PXDNL: variants seen among roughly 807,000 people sequenced by gnomAD.
PXDNL encodes the protein peroxidasin like, also known as probable oxidoreductase PXDNL.
Under a neutral mutation model 150.8 loss-of-function variants are expected in PXDNL, and 145 were observed. That is an observed-to-expected ratio of 0.96 (90% CI 0.84 to 1.10). The LOEUF is 1.10. Among genes scored for constraint, PXDNL ranks in the 50% least tolerant of loss-of-function variants. The probability of loss-of-function intolerance (pLI) is 0.00; values close to 1 mark genes in which losing one functional copy is unlikely to be tolerated. For synonymous variants in PXDNL, 757 were observed against 725.7 expected (o/e 1.04, Z -0.69); for missense variants, 2,087 against 1,873.9 (o/e 1.11, Z -2.10).
intron 13 of PXDNL, among the ~76,000 whole-genome samples, chr8:51,424,805 A>C (rs1307547249): frequency 6.6e-6 from 1 of 152,228 alleles, no homozygotes; most frequent in African/African-American, 2.4e-5. Flanking sequence ...AATAGGCCAG[A>C]GTGTAACCAT....
intron 1 of PXDNL, among the ~76,000 whole-genome samples, chr8:51,669,205 C>T (rs184079986): frequency 2.4e-3 from 361 of 152,074 alleles, no homozygotes; most frequent in African/African-American, 8.2e-3. Context: ...TTTTTAAATG[C>T]GGAAACTTAA....
chr8:51,322,457 A>G (rs920473730), intron 21 of PXDNL, among the ~76,000 whole-genome samples: 1 of 152,176 alleles, frequency 6.6e-6, no homozygotes, highest in African/African-American at 2.4e-5. Flanking sequence ...AGGTGGGATG[A>G]GTGGGCAGCA....
At position 51,404,240 on chromosome 8, in the gene PXDNL, G is replaced by A. The variant is rs180892952; in HGVS notation, c.3557+3827C>T. Among the ~76,000 whole-genome samples the A allele has an allele frequency of 3.0e-3, 454 of 152,344 alleles. 3 individuals are homozygous for A. Among genetic ancestry groups the A allele is most frequent in the African/African-American group, 0.01 (423 of 41,572 alleles). The stretch of plus-strand genomic sequence containing the variant: ...AGCTTCCACACTGTCGAAAGAGACC[G>A]GAGTGGATTGCCACTGTTGGCTCAG... On this transcript the variant is annotated intron_variant, in intron 17 of 22. Coordinates refer to ENST00000356297, the MANE Select transcript of PXDNL (RefSeq NM_144651.5).
chr8:51,491,571 G>C (rs1260073002), intron 5 of PXDNL, among the ~76,000 whole-genome samples: 1 of 152,154 alleles, frequency 6.6e-6, no homozygotes, highest in African/African-American at 2.4e-5. Flanking sequence ...AAGCTAAGAA[G>C]TCCCTTCTAT....
At chr8:51,443,128 A>G (rs7004521) in intron 12 of PXDNL, among the ~76,000 whole-genome samples, 1 of 151,912 alleles carries the variant, frequency 6.6e-6, no homozygotes, top group African/African-American at 2.4e-5. Context: ...TTCTGTTTAG[A>G]TTTCTCTCTC....
intron 4 of PXDNL, among the ~76,000 whole-genome samples, chr8:51,553,133 T>C (rs1812527881): frequency 2.0e-5 from 3 of 152,248 alleles, no homozygotes; most frequent in Admixed American, 2.0e-4. Context: ...GTGTCCTGCC[T>C]CCTGGACAAG....
At chr8:51,765,621 A>G (rs1438966089) in intron 1 of PXDNL, among the ~76,000 whole-genome samples, 1 of 152,122 alleles carries the variant, frequency 6.6e-6, no homozygotes, top group Non-Finnish European at 1.5e-5. Context: ...TAAATGTTTA[A>G]TCCATTTGTA....
At chr8:51,755,095 A>G (rs1490505715) in intron 1 of PXDNL, among the ~76,000 whole-genome samples, 2 of 152,180 alleles carry the variant, frequency 1.3e-5, no homozygotes, top group African/African-American at 4.8e-5. Context: ...AAGTTCCACC[A>G]TTCAGGCTGG....
rs1226352985 is a variant in PXDNL, at chr8:51,809,371, A to G, written c.-27T>C. 2 of 1,513,610 alleles carry G rather than the reference A, an allele frequency of 1.3e-6. No individual in the cohort carries two copies. The highest frequency in any genetic ancestry group is 1.8e-6 in the Non-Finnish European group (2 of 1,130,546). 93.8% of individuals were successfully genotyped at this position (1,513,610 alleles called of 1,614,324 possible). On this transcript the variant is annotated 5_prime_UTR_variant, in exon 1 of 23. Transcript: ENST00000356297. Reference sequence around the variant, plus strand: ...GCTCCATTCGCTGCTGGCCACGCGAAGAAGCAGCCGGAGGGAGAGCAGCAG... The same window carrying G: ...GCTCCATTCGCTGCTGGCCACGCGAGGAAGCAGCCGGAGGGAGAGCAGCAG...
At chr8:51,515,150 A>G (rs1329226336) in intron 4 of PXDNL, among the ~76,000 whole-genome samples, 1 of 152,122 alleles carries the variant, frequency 6.6e-6, no homozygotes, top group African/African-American at 2.4e-5. Flanking sequence ...ATGCCTGCTG[A>G]GGAGGGAAGG....
At chr8:51,385,870 C>A (rs949134241) in intron 17 of PXDNL, among the ~76,000 whole-genome samples, 2 of 152,164 alleles carry the variant, frequency 1.3e-5, no homozygotes, top group African/African-American at 4.8e-5. Context: ...GTAAGACATG[C>A]CTTTCACCTT....
At chr8:51,391,974 A>G (rs931544302) in intron 17 of PXDNL, among the ~76,000 whole-genome samples, 2 of 152,224 alleles carry the variant, frequency 1.3e-5, no homozygotes, top group African/African-American at 4.8e-5. Context: ...CAGTTTTCCC[A>G]GCACCATTTA....
intron 17 of PXDNL, among the ~76,000 whole-genome samples, chr8:51,393,426 C>T (rs756719633): frequency 2.0e-4 from 31 of 152,182 alleles, no homozygotes; most frequent in Non-Finnish European, 3.7e-4. Context: ...GAAGAGAGCA[C>T]GTGTAACACC....
chr8:51,496,646 GACAA>G (rs1232042190), intron 5 of PXDNL, among the ~76,000 whole-genome samples: 1 of 152,220 alleles, frequency 6.6e-6, no homozygotes, highest in South Asian at 2.1e-4. Context: ...ACCAATAACA[GACAA>G]ACAGAGAGCC....
At chr8:51,692,709 T>C (rs6986571) in intron 1 of PXDNL, among the ~76,000 whole-genome samples, 113,882 of 152,094 alleles carry the variant, frequency 0.75, 42,733 homozygotes, top group East Asian at 0.82. Flanking sequence ...CAAGTCAAAA[T>C]GGACTAATTT....
At chr8:51,346,080 C>T (rs1002635565) in intron 19 of PXDNL, 133 bp from the exon 20 acceptor site, 2 of 568,162 alleles carry the variant, frequency 3.5e-6, no homozygotes, top group Non-Finnish European at 6.3e-6. Flanking sequence ...GTGAGAGAGA[C>T]TCATTTAGTC....
Position 51,450,398 on chromosome 8 carries a change from A to G in PXDNL, c.1250-1280T>C, listed in dbSNP as rs550015484. Among the ~76,000 whole-genome samples the G allele has an allele frequency of 9.9e-5, 15 of 152,172 alleles. No individual in the cohort carries two copies. The East Asian group carries it at 2.3e-3, about 24-fold the overall frequency. ...ATCCAGCCCAGCAGGTCTCATCCTC[A>G]TTTTACCCAGCCCTCATTCAAGATG... is the stretch of plus-strand genomic sequence containing the variant. On this transcript the variant is annotated intron_variant, in intron 10 of 22. Transcript: ENST00000356297.
At chr8:51,611,905 G>A (rs1018773068) in intron 2 of PXDNL, among the ~76,000 whole-genome samples, 1 of 152,252 alleles carries the variant, frequency 6.6e-6, no homozygotes, top group Non-Finnish European at 1.5e-5. Context: ...CCGAAGGGAA[G>A]GCCCGGGGCA....
intron 17 of PXDNL, among the ~76,000 whole-genome samples, chr8:51,391,464 GT>G (rs1243743437): frequency 2.0e-5 from 3 of 152,258 alleles, no homozygotes; most frequent in Non-Finnish European, 4.4e-5. Flanking sequence ...TCTCATTGTG[GT>G]TTTGATTTGC....
Sources: allele counts gnomAD v4.1 joint callset (sites outside exome capture counted in the v4.1 genomes callset), GRCh38; gene constraint gnomAD v4.1.1; transcripts MANE v1.5; gene names NCBI Gene and HGNC (gene_info 2026-07-23, HGNC 2026-07-21).